Variants in TNN observed in about 807,000 individuals in gnomAD.
TNN encodes the protein tenascin-N.
Under a neutral mutation model 134.4 loss-of-function variants are expected in TNN, and 122 were observed. The observed-to-expected ratio is 0.91, with a 90% CI of 0.78 to 1.06. The LOEUF is 1.06. Ranked by LOEUF, TNN falls within the 50% of genes least tolerant of loss-of-function variation. The pLI, the probability that TNN is intolerant of heterozygous loss-of-function variation, is 0.00. For synonymous variants in TNN, 710 were observed against 670.3 expected, an observed-to-expected ratio of 1.06 and a Z score of -0.91; for missense variants, 1,739 against 1,699.4, an observed-to-expected ratio of 1.02 and a Z score of -0.41.
intron 9 of TNN, among the ~76,000 whole-genome samples, chr1:175,100,089 G>C (rs1035971983): frequency 6.6e-6 from 1 of 152,120 alleles, no homozygotes; most frequent in Non-Finnish European, 1.5e-5. Flanking sequence ...TTTGCTCTGT[G>C]TCAGAGCAAC....
At chr1:175,084,083 C>A in intron 5 of TNN, 148 bp downstream of exon 5, 1 of 821,250 alleles carries the variant, frequency 1.2e-6, no homozygotes, top group Non-Finnish European at 1.8e-6. Flanking sequence ...ACCCTTGAAT[C>A]TGCCAGACAT....
chr1:175,094,422 A>C (rs1182368287), intron 7 of TNN, among the ~76,000 whole-genome samples, 169 bp downstream of exon 7: 1 of 152,164 alleles, frequency 6.6e-6, no homozygotes, highest in Non-Finnish European at 1.5e-5. Flanking sequence ...TTTCCTTTTT[A>C]ACATCAAACA....
In TNN at chr1:175,125,893, C is replaced by A. The variant is rs189162804; in HGVS notation, c.2915-1062C>A. Among the ~76,000 whole-genome samples, 185 of 121,752 alleles carry A rather than the reference C, an allele frequency of 1.5e-3. 1 individual carries two copies. Among genetic ancestry groups the A allele is most frequent in the African/African-American group, 5.5e-3 (178 of 32,260 alleles). 79.9% of individuals were successfully genotyped at this position (121,752 alleles called of 152,430 possible). On this transcript the variant is annotated intron_variant, in intron 12 of 18. Transcript: ENST00000239462. Reference sequence around the variant, plus strand: ...CTTTCTTTCTTTTCTTTTTTTCTTTCTTTCTCTCTCCCGCTCTCTCTCTCT... The same window carrying A: ...CTTTCTTTCTTTTCTTTTTTTCTTTATTTCTCTCTCCCGCTCTCTCTCTCT...
At chr1:175,096,692 T>C (rs772109617) in intron 7 of TNN, among the ~76,000 whole-genome samples, 15 of 152,246 alleles carry the variant, frequency 9.9e-5, no homozygotes, top group Non-Finnish European at 1.9e-4. Context: ...TAACAACTTA[T>C]ATTTAAGCAT....
intron 11 of TNN, among the ~76,000 whole-genome samples, chr1:175,119,376 C>T (rs1213721987): frequency 6.6e-6 from 1 of 152,200 alleles, no homozygotes; most frequent in Non-Finnish European, 1.5e-5. Flanking sequence ...CTCTCATTGC[C>T]ATCTTCGTTT....
intron 4 of TNN, among the ~76,000 whole-genome samples, chr1:175,083,149 A>G (rs1306224095): frequency 6.6e-6 from 1 of 152,218 alleles, no homozygotes. Context: ...AGCAGGAAGT[A>G]CACTCAGATG....
intron 12 of TNN, among the ~76,000 whole-genome samples, chr1:175,125,054 T>A (rs946518615): frequency 6.6e-6 from 1 of 152,230 alleles, no homozygotes; most frequent in African/African-American, 2.4e-5. Flanking sequence ...TAGCCACAGT[T>A]TTGCCTTGAT....
chr1:175,077,870 G>A (rs751672932), intron 2 of TNN, 43 bp downstream of exon 2: 1 of 1,570,370 alleles, frequency 6.4e-7, no homozygotes, highest in Admixed American at 1.7e-5. Context: ...CATTTGATGA[G>A]CACCTATTAT....
At chr1:175,072,413 A>G (rs12730537) in intron 1 of TNN, among the ~76,000 whole-genome samples, 40,220 of 152,014 alleles carry the variant, frequency 0.26, 5,393 homozygotes, top group East Asian at 0.32. Context: ...AATTTACCCA[A>G]CTTTCCATGG....
At chr1:175,103,454 A>C (rs1674779810) in intron 9 of TNN, among the ~76,000 whole-genome samples, 1 of 145,860 alleles carries the variant, frequency 6.9e-6, no homozygotes, top group African/African-American at 2.5e-5. Context: ...AGATTTCATT[A>C]TTTCTTGCAA....
At position 175,077,576 on chromosome 1, in the gene TNN, C is replaced by T. The variant is rs1674076673; in HGVS notation, c.158C>T (p.Ser53Phe). Reference sequence around the variant, plus strand: ...ACCTACAAGATCGATGTGCCCAAGTCTGCCTTGGTTCAGGTTGACGCTGAC... The same window carrying T: ...ACCTACAAGATCGATGTGCCCAAGTTTGCCTTGGTTCAGGTTGACGCTGAC... ...SHTYKIDVPK[S>F]ALVQVDADPQ... Residue 53 changes from serine (S) to phenylalanine (F), a missense_variant, in exon 2 of 19, where the codon TCT (serine) becomes TTT (phenylalanine). By Grantham distance (155) the Ser-to-Phe change is radical (BLOSUM62 -2). Coordinates refer to ENST00000239462, the MANE Select transcript of TNN (RefSeq NM_022093.2). 1.2e-6 allele frequency: 2 copies of T among 1,614,140 alleles called. No individual in the cohort carries two copies. The highest frequency in any genetic ancestry group is 1.3e-5 in the African/African-American group (1 of 74,952).
At position 175,102,721 on chromosome 1, in the gene TNN, G is replaced by T. The variant is rs1674759696; in HGVS notation, c.2119+4126G>T. On this transcript the variant is annotated intron_variant, in intron 9 of 18. Coordinates refer to ENST00000239462, the MANE Select transcript of TNN (RefSeq NM_022093.2). ...CCGCAAGCTGAGGGAGTGGGCTCCA[G>T]CCTTGGCCAGCCCAGAAAGGGGCTC... Among the ~76,000 whole-genome samples the T allele has an allele frequency of 1.4e-5, 2 of 146,182 alleles. 1 individual carries two copies. The highest frequency in any genetic ancestry group is 3.0e-5 in the Non-Finnish European group (2 of 65,740).
intron 1 of TNN, among the ~76,000 whole-genome samples, chr1:175,068,404 G>A (rs1468101410): frequency 1.3e-5 from 2 of 151,874 alleles, no homozygotes; most frequent in African/African-American, 4.8e-5. Flanking sequence ...GTTATGATTA[G>A]GAAGCTATGA....
intron 10 of TNN, 134 bp from the exon 11 acceptor site, chr1:175,118,426 TA>T (rs1675244826): frequency 2.7e-6 from 3 of 1,117,826 alleles, no homozygotes; most frequent in African/African-American, 1.6e-5. Context: ...ATGAAACAGC[TA>T]AAAATGAAAC....
In TNN at chr1:175,136,486, A is replaced by G. The variant is rs186796851; in HGVS notation, c.3428-335A>G. 2.0e-5 allele frequency among the ~76,000 whole-genome samples: 3 copies of G among 152,298 alleles called. No homozygotes were observed. In the East Asian group the frequency reaches 5.8e-4, roughly 29 times the overall value. On this transcript the variant is annotated intron_variant, in intron 16 of 18. Transcript: ENST00000239462. ...TGCTCAGTGTAAAATCTCTTTGGGG[A>G]TCTTAGGATGAGTCGTTGACCTGCT...
In TNN at chr1:175,137,768, A is replaced by G. The variant is rs539210805; in HGVS notation, c.3595+780A>G. ...TTTTGACATTTGCCTGTGTTTTGAC[A>G]TTTGCGTTTTTGACTTTGGTGTATT... On this transcript the variant is annotated intron_variant, in intron 17 of 18. Transcript: ENST00000239462. Among the ~76,000 whole-genome samples, 5 of 152,298 alleles carry G rather than the reference A, an allele frequency of 3.3e-5. No individual in the cohort carries two copies. The East Asian group carries it at 9.7e-4, about 29-fold the overall frequency.
chr1:175,146,753 GT>G (rs1676079130), intron 18 of TNN, among the ~76,000 whole-genome samples, 177 bp from the exon 19 acceptor site: 1 of 151,974 alleles, frequency 6.6e-6, no homozygotes, highest in Admixed American at 6.6e-5. Context: ...GAGGGCGCGT[GT>G]GTCCGGATCC....
In TNN at chr1:175,079,352, C is replaced by A; in HGVS notation, c.429C>A (p.Ser143Arg). The change falls in exon 3 of 19, where the codon AGC (serine) becomes AGA (arginine). Residue 143 changes from serine (S) to arginine (R), a missense_variant. Coordinates refer to ENST00000239462, the MANE Select transcript of TNN (RefSeq NM_022093.2). The part of the protein sequence containing the change: ...QGVTDLSRHC[S>R]GHGTFSLETC... ...TCCCAGATCTAAGCCGCCACTGCAG[C>A]GGCCACGGGACCTTCTCCCTGGAGA... 3.8e-6 allele frequency: 6 copies of A among 1,596,596 alleles called. No homozygotes were observed. The highest frequency in any genetic ancestry group is 5.1e-6 in the Non-Finnish European group (6 of 1,176,764).
At chr1:175,085,707 T>C (rs1367952860) in intron 6 of TNN, among the ~76,000 whole-genome samples, 1 of 151,944 alleles carries the variant, frequency 6.6e-6, no homozygotes, top group East Asian at 1.9e-4. Context: ...AAACCCTGTC[T>C]CTACTAAAAA....
Sources: gnomAD v4.1 joint callset for allele counts (sites outside exome capture counted in the v4.1 genomes callset) on GRCh38, gnomAD v4.1.1 for gene constraint, MANE v1.5 for transcripts, NCBI Gene and HGNC (gene_info 2026-07-23, HGNC 2026-07-21) for gene names.